Variants in IL1RAPL1 observed in about 807,000 individuals in gnomAD.
IL1RAPL1 encodes interleukin-1 receptor accessory protein-like 1.
A neutral mutation model predicts 48.4 loss-of-function variants in IL1RAPL1; 3 were observed. The observed-to-expected ratio is 0.06, with a 90% CI of 0.03 to 0.16. IL1RAPL1 has a LOEUF of 0.16. Ranked by LOEUF, IL1RAPL1 falls within the 10% of genes least tolerant of loss-of-function variation. The probability of loss-of-function intolerance (pLI) is 1.00; values close to 1 mark genes in which losing one functional copy is unlikely to be tolerated. For synonymous variants in IL1RAPL1, 185 were observed against 187.7 expected, an observed-to-expected ratio of 0.99 and a Z score of 0.12; for missense variants, 349 against 530.6, an observed-to-expected ratio of 0.66 and a Z score of 3.36.
At chrX:29,682,302 T>C (rs1052635134) in intron 6 of IL1RAPL1, among the ~76,000 whole-genome samples, 2 of 111,026 alleles carry the variant, frequency 1.8e-5, no homozygotes, top group Non-Finnish European at 3.8e-5. Context: ...TCTCATGCAC[T>C]CTCCTCTTAA....
At chrX:29,906,288 TCG>T (rs1932615052) in intron 6 of IL1RAPL1, among the ~76,000 whole-genome samples, 1 of 101,095 alleles carries the variant, frequency 9.9e-6, no homozygotes, top group Admixed American at 1.1e-4. Flanking sequence ...TGAGCCCAGA[TCG>T]CGCCACTGCA....
chrX:29,469,184 A>C (rs945480900), intron 5 of IL1RAPL1, among the ~76,000 whole-genome samples: 1 of 112,330 alleles, frequency 8.9e-6, no homozygotes, highest in African/African-American at 3.2e-5. Flanking sequence ...TGGTGTATTA[A>C]AAGATTCATA....
At chrX:28,627,670 A>C (rs1934354498) in intron 1 of IL1RAPL1, among the ~76,000 whole-genome samples, 1 of 112,038 alleles carries the variant, frequency 8.9e-6, no homozygotes, top group Admixed American at 9.5e-5. Context: ...TCTGTTGCTG[A>C]TACTTCAGAC....
At chrX:29,915,574 G>T (rs1932791230) in intron 6 of IL1RAPL1, among the ~76,000 whole-genome samples, 1 of 110,735 alleles carries the variant, frequency 9.0e-6, no homozygotes, top group South Asian at 3.8e-4. Flanking sequence ...CTGTGTTTAT[G>T]CTGTAGAATC....
intron 1 of IL1RAPL1, among the ~76,000 whole-genome samples, chrX:28,597,052 A>G (rs1933963232): frequency 9.0e-6 from 1 of 111,100 alleles, no homozygotes. Context: ...GGGGAGATCA[A>G]AAATATACTG....
At chrX:28,732,321 G>A (rs1290865021) in intron 1 of IL1RAPL1, among the ~76,000 whole-genome samples, 1 of 111,640 alleles carries the variant, frequency 9.0e-6, no homozygotes, top group East Asian at 2.8e-4. Flanking sequence ...TTTGCATTAT[G>A]TTGTGTAGTA....
intron 2 of IL1RAPL1, among the ~76,000 whole-genome samples, chrX:29,042,135 C>T (rs900936013): frequency 1.8e-5 from 2 of 111,826 alleles, no homozygotes; most frequent in African/African-American, 6.5e-5. Flanking sequence ...GAACATAGGC[C>T]CACATGCCTA....
intron 1 of IL1RAPL1, among the ~76,000 whole-genome samples, chrX:28,611,826 AG>A (rs1278057721): frequency 1.8e-5 from 2 of 112,780 alleles, no homozygotes; most frequent in African/African-American, 6.4e-5. Flanking sequence ...GAGATGACAG[AG>A]GGGAACAGAT....
intron 2 of IL1RAPL1, among the ~76,000 whole-genome samples, chrX:28,881,431 C>T (rs181003753): frequency 3.2e-4 from 36 of 111,269 alleles, no homozygotes; most frequent in Admixed American, 1.3e-3. Context: ...GGGTGTAAGA[C>T]GACAGAGAAT....
chrX:29,597,264 CT>C (rs1349336777), intron 5 of IL1RAPL1, among the ~76,000 whole-genome samples: 1 of 107,991 alleles, frequency 9.3e-6, no homozygotes, highest in Non-Finnish European at 1.9e-5. Context: ...ATCGATTCTC[CT>C]GCCTCAGCCT....
At chrX:29,020,437 T>A (rs1926338013) in intron 2 of IL1RAPL1, among the ~76,000 whole-genome samples, 1 of 112,460 alleles carries the variant, frequency 8.9e-6, no homozygotes, top group Non-Finnish European at 1.9e-5. Context: ...AGTGATATGC[T>A]GTACAAGTTT....
chrX:29,322,810 CA>C (rs1449447013), intron 3 of IL1RAPL1, among the ~76,000 whole-genome samples: 1 of 110,727 alleles, frequency 9.0e-6, no homozygotes, highest in Non-Finnish European at 1.9e-5. Flanking sequence ...TCATAACTGA[CA>C]AAAAAATAAA....
At chrX:29,949,274 C>T (rs1344788010) in intron 9 of IL1RAPL1, among the ~76,000 whole-genome samples, 1 of 111,492 alleles carries the variant, frequency 9.0e-6, no homozygotes, top group Non-Finnish European at 1.9e-5. Flanking sequence ...TCCAAACTTC[C>T]TTCTTTCCTC....
At chrX:29,154,713 A>G (rs1238132728) in intron 2 of IL1RAPL1, among the ~76,000 whole-genome samples, 3 of 112,008 alleles carry the variant, frequency 2.7e-5, no homozygotes, top group African/African-American at 9.7e-5. Flanking sequence ...TTTTTCAACC[A>G]AAGAGATTAT....
At chrX:29,343,734 T>G (rs1203083486) in intron 3 of IL1RAPL1, among the ~76,000 whole-genome samples, 2 of 111,618 alleles carry the variant, frequency 1.8e-5, no homozygotes, top group African/African-American at 3.3e-5. Context: ...ATTTGTAGTT[T>G]TTTTTTACAT....
At chrX:28,933,926 T>G (rs188870249) in intron 2 of IL1RAPL1, among the ~76,000 whole-genome samples, 3 of 111,772 alleles carry the variant, frequency 2.7e-5, no homozygotes, top group Admixed American at 9.5e-5. Context: ...GAGTGTATTT[T>G]AGCATGCTAA....
chrX:29,329,461 T>C (rs1341064963), intron 3 of IL1RAPL1, among the ~76,000 whole-genome samples: 1 of 111,305 alleles, frequency 9.0e-6, no homozygotes, highest in Non-Finnish European at 1.9e-5. Context: ...CATCAGCTGA[T>C]GAATGGATAA....
chrX:29,140,140 T>C (rs771016653), intron 2 of IL1RAPL1, among the ~76,000 whole-genome samples: 1 of 110,305 alleles, frequency 9.1e-6, no homozygotes, highest in East Asian at 2.9e-4. Context: ...CCAGACTTTT[T>C]TAAACAACCA....
At chrX:29,464,847 A>C (rs1934844130) in intron 5 of IL1RAPL1, among the ~76,000 whole-genome samples, 1 of 111,822 alleles carries the variant, frequency 8.9e-6, no homozygotes. Context: ...CCAAGTACCT[A>C]ATGTTCTCAC....
Sources: gnomAD v4.1 joint callset for allele counts (sites outside exome capture counted in the v4.1 genomes callset) on GRCh38, gnomAD v4.1.1 for gene constraint, MANE v1.5 for transcripts, NCBI Gene and HGNC (gene_info 2026-07-23, HGNC 2026-07-21) for gene names.